C16orf89: variants seen among roughly 807,000 people sequenced by gnomAD.
C16orf89 encodes UPF0764 protein C16orf89.
In C16orf89, 57 loss-of-function variants were observed where a neutral mutation model predicts 41.5. The ratio of observed to expected loss-of-function variants is 1.38; its 90% CI spans 1.11 to 1.71. The LOEUF (loss-of-function observed/expected upper bound fraction) is 1.71, where lower values mean the gene tolerates loss of function less well. C16orf89 is among the 40% of genes most tolerant of loss of function. The probability of loss-of-function intolerance (pLI) is 0.00; values close to 1 mark genes in which losing one functional copy is unlikely to be tolerated. For synonymous variants in C16orf89, 223 were observed against 190.6 expected, an observed-to-expected ratio of 1.17 and a Z score of -1.40; for missense variants, 575 against 445.9, an observed-to-expected ratio of 1.29 and a Z score of -2.61.
intron 6 of C16orf89, among the ~76,000 whole-genome samples, chr16:5,052,603 G>GAAAA (rs35043310): frequency 7.0e-6 from 1 of 142,496 alleles, no homozygotes; most frequent in South Asian, 2.2e-4. Flanking sequence ...AAGAAAGAAA[G>GAAAA]AAAAAAAAAA....
At chr16:5,044,043 G>A (rs1200604175), downstream of C16orf89, 9 of 794,034 alleles carry the variant, frequency 1.1e-5, no homozygotes, top group African/African-American at 3.7e-5. Flanking sequence ...TTTGTGTTGA[G>A]TGGGATTGGA....
chr16:5,045,138 C>T (rs1191892358), intron 7 of C16orf89, among the ~76,000 whole-genome samples: 2 of 152,354 alleles, frequency 1.3e-5, no homozygotes, highest in East Asian at 1.9e-4. Context: ...CCAGCTCCTG[C>T]CTGGCTTAGC....
At position 5,056,080 on chromosome 16, in the gene C16orf89, G is replaced by C. The variant is rs780895009; in HGVS notation, c.736C>G (p.Pro246Ala). Residue 246 changes from proline to alanine, a missense_variant, in exon 5 of 8, where the codon CCT (proline) becomes GCT (alanine). By Grantham distance (27) the Pro-to-Ala change is conservative. Transcript: ENST00000472572. ...TTTTCCATGAAGATGTCCCGGGTAGGGTAGGCGTATCCGATGGCCTCAGCT... is the reference window on the plus strand; with the variant it reads ...TTTTCCATGAAGATGTCCCGGGTAGCGTAGGCGTATCCGATGGCCTCAGCT... ...RRAEAIGYAY[P>A]TRDIFMENIM... 3.1e-6 allele frequency: 5 copies of C among 1,597,410 alleles called. No individual in the cohort carries two copies. In the African/African-American group the frequency reaches 5.4e-5, roughly 17 times the overall value.
chr16:5,055,775 A>G, intron 5 of C16orf89: 1 of 1,507,184 alleles, frequency 6.6e-7, no homozygotes, highest in Non-Finnish European at 8.9e-7. Context: ...CAGGATGCCC[A>G]GTTACATTTG....
Position 5,062,358 on chromosome 16 carries a change from G to A in C16orf89, c.358+67C>T, listed in dbSNP as rs916880953. 1.1e-5 allele frequency: 17 copies of A among 1,509,020 alleles called. No homozygotes were observed. In the African/African-American group the frequency reaches 1.8e-4, roughly 16 times the overall value. 93.5% of individuals were successfully genotyped at this position (1,509,020 alleles called of 1,614,324 possible). On this transcript the variant is annotated intron_variant, in intron 2 of 7. Transcript: ENST00000472572. ...CCTTGCCCCAGGAGAGCCCACGCTG[G>A]GTTATTTCAGTCAATATCCCCATAG...
At chr16:5,060,460 G>C (rs1956594456) in intron 2 of C16orf89, 24 bp from the exon 3 acceptor site, 5 of 1,603,642 alleles carry the variant, frequency 3.1e-6, no homozygotes, top group South Asian at 1.1e-5. Flanking sequence ...CAGATAGATG[G>C]GGTGGGGTGT....
At chr16:5,044,698 G>T in intron 7 of C16orf89, 1 of 1,058,322 alleles carries the variant, frequency 9.4e-7, no homozygotes, top group Non-Finnish European at 1.3e-6. Flanking sequence ...ATAAAAATTA[G>T]CCAGGTATGG....
chr16:5,063,330 G>C (rs182975038), intron 1 of C16orf89, among the ~76,000 whole-genome samples: 1 of 152,250 alleles, frequency 6.6e-6, no homozygotes, highest in East Asian at 1.9e-4. Flanking sequence ...CCCCTCCATG[G>C]GCAAACCCGC....
chr16:5,055,938 CGTGTGTGTGTGTGTGTGTGT>C (rs531301214), intron 5 of C16orf89, 95 bp downstream of exon 5: 43,766 of 907,330 alleles, frequency 0.048, 1,187 homozygotes, highest in Non-Finnish European at 0.05. Flanking sequence ...CTGGCAACTC[CGTGTGTGTGTGTGTGTGTGT>C]GTGTGTGTGT....
At chr16:5,055,447 C>T in intron 5 of C16orf89, 97 bp from the exon 6 acceptor site, 1 of 1,186,682 alleles carries the variant, frequency 8.4e-7, no homozygotes. Flanking sequence ...CTTCATCTGC[C>T]TGGGTTAGGC....
chr16:5,046,223 A>T (rs145020506), intron 7 of C16orf89, among the ~76,000 whole-genome samples: 1 of 152,162 alleles, frequency 6.6e-6, no homozygotes, highest in Non-Finnish European at 1.5e-5. Context: ...AGTGGGGTTG[A>T]TGGAGAGATG....
intron 7 of C16orf89, chr16:5,044,845 A>C (rs1450588711): frequency 9.4e-7 from 1 of 1,060,156 alleles, no homozygotes; most frequent in African/African-American, 1.7e-5. Context: ...ATCTGTCTCA[A>C]AAAAAAAAAA....
chr16:5,057,852 G>C (rs930411646), intron 4 of C16orf89, among the ~76,000 whole-genome samples: 6 of 151,942 alleles, frequency 3.9e-5, no homozygotes, highest in Non-Finnish European at 7.4e-5. Context: ...TTTGTTTACA[G>C]AGTTCTTTCT....
intron 3 of C16orf89, 97 bp downstream of exon 3, chr16:5,060,189 C>G (rs1023314927): frequency 7.1e-7 from 1 of 1,410,980 alleles, no homozygotes; most frequent in African/African-American, 1.4e-5. Flanking sequence ...AAACCCCTGG[C>G]TTCAGCCCTA....
intron 2 of C16orf89, 56 bp downstream of exon 2, chr16:5,062,369 T>G (rs1956643444): frequency 1.3e-6 from 2 of 1,527,522 alleles, no homozygotes; most frequent in East Asian, 2.3e-5. Flanking sequence ...GTTATTTCAG[T>G]CAATATCCCC....
At chr16:5,057,267 C>T (rs1233466327) in intron 4 of C16orf89, among the ~76,000 whole-genome samples, 5 of 134,500 alleles carry the variant, frequency 3.7e-5, no homozygotes, top group Non-Finnish European at 7.9e-5. Context: ...AAGAAATATA[C>T]ATATATATAT....
chr16:5,062,024 T>C (rs988082583), intron 2 of C16orf89, among the ~76,000 whole-genome samples: 2 of 152,220 alleles, frequency 1.3e-5, no homozygotes, highest in African/African-American at 4.8e-5. Context: ...TACTGACATT[T>C]AATGAAGTGG....
chr16:5,065,291 G>T (rs564258313), intron 1 of C16orf89, among the ~76,000 whole-genome samples: 65 of 152,292 alleles, frequency 4.3e-4, no homozygotes, highest in South Asian at 1.0e-3. Context: ...TGGAGGAAGT[G>T]GGGTGGGAAC....
chr16:5,062,341 C>T, intron 2 of C16orf89, 84 bp downstream of exon 2: 1 of 1,464,928 alleles, frequency 6.8e-7, no homozygotes, highest in Non-Finnish European at 9.1e-7. Flanking sequence ...AGCCTTGCCC[C>T]AGGAGAGCCC....
Sources: allele counts gnomAD v4.1 joint callset (sites outside exome capture counted in the v4.1 genomes callset), GRCh38; gene constraint gnomAD v4.1.1; transcripts MANE v1.5; gene names NCBI Gene and HGNC (gene_info 2026-07-23, HGNC 2026-07-21).